The following RAB29 variants were observed in gnomAD, a reference collection of about 807,000 sequenced individuals.
RAB29 encodes RAB29, member RAS oncogene family.
In RAB29, 13 loss-of-function variants were observed where a neutral mutation model predicts 25.5. The observed-to-expected ratio is 0.51, with a 90% CI of 0.33 to 0.81. The LOEUF (loss-of-function observed/expected upper bound fraction) is 0.81, where lower values mean the gene tolerates loss of function less well. RAB29 is among the 30% of genes least tolerant of loss of function. The probability of loss-of-function intolerance (pLI) is 0.02; values close to 1 mark genes in which losing one functional copy is unlikely to be tolerated. For synonymous variants in RAB29, 88 were observed against 95.0 expected, an observed-to-expected ratio of 0.93 and a Z score of 0.43; for missense variants, 201 against 254.9, an observed-to-expected ratio of 0.79 and a Z score of 1.44.
At position 205,772,534 on chromosome 1, in the gene RAB29, T is replaced by C; in HGVS notation, c.158A>G (p.Asp53Gly). The C allele has an allele frequency of 6.2e-7, 1 of 1,614,112 alleles. No homozygotes were observed. The highest frequency in any genetic ancestry group is 8.5e-7 in the Non-Finnish European group (1 of 1,179,984). ...CAGCTGAAGCCGCACTATCTCGTAG[T>C]CAGACCACTGGAGAACCTTCAGAGC... ...DFALKVLQWS[D>G]YEIVRLQLWD... The change falls in exon 3 of 6, where the codon GAC becomes GGC. Residue 53 changes from aspartate (D) to glycine (G), a missense_variant. Physicochemically the swap from Asp to Gly is moderately conservative, Grantham distance 94 (BLOSUM62 -1). Transcript: ENST00000367139.
At chr1:205,774,793 C>CCGGCGG in intron 2 of RAB29, 40 bp downstream of exon 2, 2 of 1,245,290 alleles carry the variant, frequency 1.6e-6, no homozygotes, top group Non-Finnish European at 2.3e-6. Flanking sequence ...GTCGGGGCCT[C>CCGGCGG]CTCCTCCCCC....
rs1655278743 is a variant in RAB29 at position 205,775,438 on chromosome 1, TC to T, written c.-297del. On this transcript the variant is annotated 5_prime_UTR_variant, in exon 1 of 6. Coordinates refer to ENST00000367139, the MANE Select transcript of RAB29 (RefSeq NM_003929.3). ...AGACGCCCTCCCGCGCGCCTCTCTC[TC>T]CCCTTCCTCCGCAAGCGTCACGTGC... 6.5e-6 allele frequency: 1 copy of T among 154,306 alleles called. No homozygotes were observed. The highest frequency in any genetic ancestry group is 2.4e-5 in the African/African-American group (1 of 41,450). 9.6% of individuals were successfully genotyped at this position (154,306 alleles called of 1,614,324 possible).
intron 1 of RAB29, 62 bp from the exon 2 acceptor site, chr1:205,775,148 G>C (rs943498445): frequency 2.9e-6 from 2 of 695,366 alleles, no homozygotes; most frequent in South Asian, 2.3e-5. Context: ...CTTCCTCCCC[G>C]GGCGGCCGCA....
Position 205,771,617 on chromosome 1 carries a change from T to C in RAB29, c.233A>G (p.Tyr78Cys), listed in dbSNP as rs373710090. The C allele has an allele frequency of 6.8e-6, 11 of 1,614,012 alleles. No individual in the cohort carries two copies. Among genetic ancestry groups the C allele is most frequent in the Non-Finnish European group, 9.3e-6 (11 of 1,180,030 alleles). Reference sequence around the variant, plus strand: ...AATAACACAGGCAGAGGCATCCCGATAATACAATCGTGTCATAGAGGTGAA... The same window carrying C: ...AATAACACAGGCAGAGGCATCCCGACAATACAATCGTGTCATAGAGGTGAA... The part of the protein sequence containing the change: ...ERFTSMTRLY[Y>C]RDASACVIMF... Residue 78 changes from tyrosine to cysteine, a missense_variant, in exon 4 of 6, where the codon TAT (tyrosine) becomes TGT (cysteine). Physicochemically the swap from Tyr to Cys is radical, Grantham distance 194. Coordinates refer to ENST00000367139, the MANE Select transcript of RAB29 (RefSeq NM_003929.3).
At position 205,769,429 on chromosome 1, in the gene RAB29, CTTTT is replaced by C. The variant is rs1013643751; in HGVS notation, c.*909_*912del. The C allele has an allele frequency of 4.6e-5, 7 of 151,904 alleles. No individual in the cohort carries two copies. The highest frequency in any genetic ancestry group is 7.3e-5 in the African/African-American group (3 of 41,370). The allele number at this position is 151,904 out of a possible 1,614,324, so 9.4% of individuals were successfully genotyped here. ...GATAGGTAGTTTAAAAATGACTATTCTTTTTTCTTTTTTTTTTGAGACGGAGTCC... is the reference window on the plus strand; with the variant it reads ...GATAGGTAGTTTAAAAATGACTATTCTTCTTTTTTTTTTGAGACGGAGTCC... On this transcript the variant is annotated 3_prime_UTR_variant, in exon 6 of 6. Transcript: ENST00000367139.
chr1:205,770,523 C>G, intron 5 of RAB29, 70 bp from the exon 6 acceptor site: 1 of 1,457,560 alleles, frequency 6.9e-7, no homozygotes, highest in Non-Finnish European at 9.5e-7. Flanking sequence ...TGTAGTCTGA[C>G]TTATCATCAG....
intron 4 of RAB29, 159 bp downstream of exon 4, chr1:205,771,313 G>C (rs56314572): frequency 5.3e-5 from 20 of 380,584 alleles, no homozygotes; most frequent in Non-Finnish European, 7.0e-5. Context: ...AAAAAAAAAA[G>C]AAAGAAAGTC....
In RAB29 at chr1:205,774,820, C is replaced by CCCCGCG; in HGVS notation, c.124+12_124+13insCGCGGG. ...TCCTCCCCCTCCCCCTCCCCACCCC[C>CCCCGCG]GAGACGTCTCACCTCCCACCGTGGA... On this transcript the variant is annotated intron_variant, in intron 2 of 5. Transcript: ENST00000367139. 6.4e-7 allele frequency: 1 copy of CCCCGCG among 1,568,764 alleles called. No homozygotes were observed. Among genetic ancestry groups the CCCCGCG allele is most frequent in the Non-Finnish European group, 8.7e-7 (1 of 1,152,666 alleles).
At chr1:205,770,703 T>A (rs761052978) in intron 5 of RAB29, 30 bp downstream of exon 5, 1 of 1,613,612 alleles carries the variant, frequency 6.2e-7, no homozygotes, top group African/African-American at 1.3e-5. Flanking sequence ...GATGGATACA[T>A]CTGCATGCCT....
chr1:205,770,149 T>C lies in RAB29; in HGVS notation c.*193A>G. Reference sequence around the variant, plus strand: ...GGCACTAATGTGAGCCAGCAACATGTGAAAGGCTAATCCAGGAGATGCAGA... The same window carrying C: ...GGCACTAATGTGAGCCAGCAACATGCGAAAGGCTAATCCAGGAGATGCAGA... On this transcript the variant is annotated 3_prime_UTR_variant, in exon 6 of 6. Coordinates refer to ENST00000367139, the MANE Select transcript of RAB29 (RefSeq NM_003929.3). 2 of 611,390 alleles carry C rather than the reference T, an allele frequency of 3.3e-6. No homozygotes were observed. Among genetic ancestry groups the C allele is most frequent in the Non-Finnish European group, 5.8e-6 (2 of 342,526 alleles). 37.9% of individuals were successfully genotyped at this position (611,390 alleles called of 1,614,324 possible). A position where few individuals can be genotyped will look rare whatever the true frequency, so the allele number is the denominator to read the frequency against.
Position 205,771,753 on chromosome 1 carries a change from T to C in RAB29, c.197-100A>G. 4 of 1,168,092 alleles carry C rather than the reference T, an allele frequency of 3.4e-6. No homozygotes were observed. The South Asian group carries it at 4.9e-5, about 14-fold the overall frequency. 72.4% of individuals were successfully genotyped at this position (1,168,092 alleles called of 1,614,324 possible). On this transcript the variant is annotated intron_variant, in intron 3 of 5. Transcript: ENST00000367139. ...AAGCATATGTGTCAGATGGGGCCACTCACTTTCCCCCTCTGACTCTTGGTT... is the reference window on the plus strand; with the variant it reads ...AAGCATATGTGTCAGATGGGGCCACCCACTTTCCCCCTCTGACTCTTGGTT...
intron 2 of RAB29, among the ~76,000 whole-genome samples, 182 bp downstream of exon 2, chr1:205,774,649 CAA>C (rs1034473445): frequency 1.3e-5 from 2 of 152,202 alleles, no homozygotes; most frequent in African/African-American, 4.8e-5. Flanking sequence ...ACGGGAAACT[CAA>C]GAGAGGCGTG....
At position 205,768,122 on chromosome 1, in the gene RAB29, G is replaced by A. The variant is rs1361032806; in HGVS notation, c.*2220C>T. On this transcript the variant is annotated 3_prime_UTR_variant, in exon 6 of 6. Coordinates refer to ENST00000367139, the MANE Select transcript of RAB29 (RefSeq NM_003929.3). ...AATCATAGTGATCAAAACCCTACCT[G>A]AAAATGGTAATACAAAAGAGAACTA... 1.3e-5 allele frequency: 2 copies of A among 152,118 alleles called. No homozygotes were observed. The highest frequency in any genetic ancestry group is 4.8e-5 in the African/African-American group (2 of 41,414). 9.4% of individuals were successfully genotyped at this position (152,118 alleles called of 1,614,324 possible).
chr1:205,775,002 G>A lies in RAB29; in HGVS notation c.-46C>T, dbSNP rs867327975. On this transcript the variant is annotated 5_prime_UTR_variant, in exon 2 of 6. Coordinates refer to ENST00000367139, the MANE Select transcript of RAB29 (RefSeq NM_003929.3). ...TAGGGAGGCGGGAAGTGTGGTCGGG[G>A]ATCGGGGGTCGCTCGTTTTAACCCC... 1.9e-6 allele frequency: 3 copies of A among 1,609,480 alleles called. No homozygotes were observed. Among genetic ancestry groups the A allele is most frequent in the South Asian group, 2.2e-5 (2 of 91,024 alleles).
intron 2 of RAB29, 102 bp from the exon 3 acceptor site, chr1:205,772,669 C>T (rs2102478986): frequency 1.9e-6 from 2 of 1,045,712 alleles, no homozygotes; most frequent in East Asian, 2.5e-5. Flanking sequence ...GGACACACAA[C>T]TCCAATCCCA....
chr1:205,773,525 C>T (rs567986172), intron 2 of RAB29, among the ~76,000 whole-genome samples: 1 of 151,956 alleles, frequency 6.6e-6, no homozygotes, highest in African/African-American at 2.4e-5. Flanking sequence ...TTTTTTGTTC[C>T]TTTGTTTTTG....
rs1654922431 is a variant in RAB29, at chr1:205,770,360, G to A, written c.594C>T (p.Ser198=). The A allele has an allele frequency of 6.2e-7, 1 of 1,613,652 alleles. No individual in the cohort carries two copies. Among genetic ancestry groups the A allele is most frequent in the Non-Finnish European group, 8.5e-7 (1 of 1,179,504 alleles). ...AACACTACTAGCAGCAGGACCAGCT[G>A]GAGGACTTGGTTTGTAGATTGATGT... ...GDYINLQTKS[S]SWSCC Residue 198 remains serine (S), a synonymous_variant, in exon 6 of 6, where the codon TCC becomes TCT. Coordinates refer to ENST00000367139, the MANE Select transcript of RAB29 (RefSeq NM_003929.3).
chr1:205,771,018 G>C, intron 4 of RAB29, 164 bp from the exon 5 acceptor site: 20 of 1,024,238 alleles, frequency 2.0e-5, no homozygotes, highest in Non-Finnish European at 2.8e-5. Flanking sequence ...CTCACCCTTG[G>C]CTGGGCGCAG....
intron 2 of RAB29, among the ~76,000 whole-genome samples, chr1:205,773,332 T>C (rs1257617757): frequency 3.3e-5 from 5 of 151,700 alleles, no homozygotes; most frequent in African/African-American, 4.8e-5. Context: ...AAAAAAAAAT[T>C]AGCCAATTAT....
Sources: allele counts gnomAD v4.1 joint callset (sites outside exome capture counted in the v4.1 genomes callset), GRCh38; gene constraint gnomAD v4.1.1; transcripts MANE v1.5; gene names NCBI Gene and HGNC (gene_info 2026-07-23, HGNC 2026-07-21).